BSN: variants seen among roughly 807,000 people sequenced by gnomAD.
BSN encodes bassoon presynaptic cytomatrix protein.
In BSN, 57 loss-of-function variants were observed where a neutral mutation model predicts 264.8. The observed-to-expected ratio is 0.22, with a 90% CI of 0.17 to 0.27. The LOEUF (loss-of-function observed/expected upper bound fraction) is 0.27. Ranked by LOEUF, BSN falls within the 10% of genes least tolerant of loss-of-function variation. The probability of loss-of-function intolerance (pLI) is 1.00; values close to 1 mark genes in which losing one functional copy is unlikely to be tolerated. For missense variants in BSN, 4,615 were observed against 5,232.5 expected (o/e 0.88, Z 3.64); for synonymous variants, 2,059 against 2,137.3 (o/e 0.96, Z 1.01).
intron 8 of BSN, among the ~76,000 whole-genome samples, chr3:49,664,103 T>C (rs899220240): frequency 6.6e-6 from 1 of 152,196 alleles, no homozygotes; most frequent in African/African-American, 2.4e-5. Context: ...CCAAGCAGCT[T>C]TGGGCAGAGA....
At chr3:49,662,756 G>A (rs2052672349) in intron 6 of BSN, 120 bp from the exon 7 acceptor site, 1 of 1,382,694 alleles carries the variant, frequency 7.2e-7, no homozygotes, top group Non-Finnish European at 9.6e-7. Flanking sequence ...TGGGCTGGGG[G>A]CCTGCTGATC....
Position 49,653,182 on chromosome 3 carries a change from G to A in BSN, c.3626G>A (p.Arg1209Gln), listed in dbSNP as rs1320310871. Residue 1209 changes from arginine to glutamine, a missense_variant, in exon 5 of 12, where the codon CGG becomes CAG. Arg to Gln is a conservative substitution (Grantham distance 43, BLOSUM62 1). Coordinates refer to ENST00000296452, the MANE Select transcript of BSN (RefSeq NM_003458.4). The surrounding 1 kb of genome is among the most constrained non-coding windows in gnomAD (Gnocchi z 6.3). ...CAGCAAGGCCAGGCAGCAGGGGCCCGGGGACCCCATGGCGGCCCCTCTCAG... is the reference window on the plus strand; with the variant it reads ...CAGCAAGGCCAGGCAGCAGGGGCCCAGGGACCCCATGGCGGCCCCTCTCAG... ...QRQQGQAAGA[R>Q]GPHGGPSQPT... 7.4e-6 allele frequency: 12 copies of A among 1,610,764 alleles called. No individual in the cohort carries two copies. The highest frequency in any genetic ancestry group is 6.7e-5 in the African/African-American group (5 of 74,828).
chr3:49,573,658 T>G (rs1307915848), intron 1 of BSN, among the ~76,000 whole-genome samples: 1 of 136,650 alleles, frequency 7.3e-6, no homozygotes, highest in Non-Finnish European at 1.6e-5. Flanking sequence ...TTCTCTCTGG[T>G]TTTTTTTTTT....
intron 1 of BSN, among the ~76,000 whole-genome samples, chr3:49,619,096 C>T (rs1487647141): frequency 2.3e-5 from 1 of 42,720 alleles, no homozygotes; most frequent in Non-Finnish European, 4.3e-5. Context: ...AATGTGAATT[C>T]CTGAATGAAT....
chr3:49,643,340 C>T lies in BSN; in HGVS notation c.1518+188C>T, dbSNP rs150519645. 1.7e-3 allele frequency among the ~76,000 whole-genome samples: 260 copies of T among 152,368 alleles called. 1 individual carries two copies. The highest frequency in any genetic ancestry group is 7.8e-3 in the Admixed American group (120 of 15,312). On this transcript the variant is annotated intron_variant, in intron 3 of 11. Coordinates refer to ENST00000296452, the MANE Select transcript of BSN (RefSeq NM_003458.4). ...CCTCAGGCCCCAGTTCTACTCAGAACTAACTTTCACTCAGAGTTGGGGGTA... is the reference window on the plus strand; with the variant it reads ...CCTCAGGCCCCAGTTCTACTCAGAATTAACTTTCACTCAGAGTTGGGGGTA...
At position 49,656,921 on chromosome 3, in the gene BSN, C is replaced by T; in HGVS notation, c.7365C>T (p.Ile2455=). The change falls in exon 5 of 12, where the codon ATC becomes ATT. Residue 2455 remains isoleucine, a synonymous_variant. Coordinates refer to ENST00000296452, the MANE Select transcript of BSN (RefSeq NM_003458.4). ...LAQQRLQLEQ[I]QQLQQQLQQQ... ...AGCAGCGTCTGCAGCTGGAGCAGAT[C>T]CAGCAGCTGCAGCAGCAGCTGCAGC... is the stretch of plus-strand genomic sequence containing the variant. The T allele has an allele frequency of 6.3e-7, 1 of 1,598,632 alleles. No homozygotes were observed. Among genetic ancestry groups the T allele is most frequent in the East Asian group, 2.3e-5 (1 of 44,352 alleles).
At chr3:49,646,623 A>G (rs937256849) in intron 3 of BSN, among the ~76,000 whole-genome samples, 4 of 152,232 alleles carry the variant, frequency 2.6e-5, no homozygotes, top group Admixed American at 6.5e-5. Context: ...AAGGCCTGAC[A>G]CAGTCAGCCC....
At chr3:49,610,218 T>C (rs919046200) in intron 1 of BSN, among the ~76,000 whole-genome samples, 2 of 152,230 alleles carry the variant, frequency 1.3e-5, no homozygotes, top group African/African-American at 4.8e-5. Flanking sequence ...TCCCATGCTT[T>C]TGTATGTGAT....
Position 49,662,962 on chromosome 3 carries a change from G to A in BSN, c.10804G>A (p.Ala3602Thr). 1.2e-6 allele frequency: 2 copies of A among 1,614,166 alleles called. No individual in the cohort carries two copies. Among genetic ancestry groups the A allele is most frequent in the Non-Finnish European group, 1.7e-6 (2 of 1,180,024 alleles). ...CCGGTTCAGGCACCACGGGGGCCAT[G>A]CAGTTTCCTCCTCCTCCCAGAAGCG... Reference protein sequence around the residue: ...SDRFRHHGGHAVSSSSQKRGP... With the variant: ...SDRFRHHGGHTVSSSSQKRGP... Residue 3602 changes from alanine to threonine, a missense_variant, in exon 7 of 12, where the codon GCA becomes ACA. Transcript: ENST00000296452.
chr3:49,557,153 G>A (rs2051679542), intron 1 of BSN, among the ~76,000 whole-genome samples: 2 of 152,158 alleles, frequency 1.3e-5, no homozygotes, highest in Admixed American at 1.3e-4. Context: ...GGATGATGTG[G>A]AGCTTTGGGC....
intron 1 of BSN, among the ~76,000 whole-genome samples, chr3:49,594,259 C>T (rs919318130): frequency 7.9e-5 from 12 of 152,146 alleles, no homozygotes; most frequent in Admixed American, 7.2e-4. Flanking sequence ...CTTTTAGTAT[C>T]AAGTCTAAGA....
At chr3:49,565,348 C>A (rs551317664) in intron 1 of BSN, among the ~76,000 whole-genome samples, 1 of 126,456 alleles carries the variant, frequency 7.9e-6, no homozygotes, top group Non-Finnish European at 1.6e-5. Context: ...GACAGAGTCT[C>A]GCTCTGTCGT....
rs780401178 is a variant in BSN at position 49,642,563 on chromosome 3, C to T, written c.929C>T (p.Thr310Ile). 17 of 1,604,302 alleles carry T rather than the reference C, an allele frequency of 1.1e-5. No homozygotes were observed. The highest frequency in any genetic ancestry group is 1.4e-5 in the Non-Finnish European group (17 of 1,174,160). ...GRVSPQPPQP[T>I]KPSTAEPRPP... ...GTGTCTCCTCAGCCCCCTCAACCCA[C>T]CAAGCCTTCCACAGCTGAGCCCAGG... Residue 310 changes from threonine (T) to isoleucine (I), a missense_variant, in exon 3 of 12, where the codon ACC becomes ATC. This residue lies in a region of BSN where 1,197 missense variants were observed against 1,348.0 expected (regional missense o/e 0.89). Coordinates refer to ENST00000296452, the MANE Select transcript of BSN (RefSeq NM_003458.4). This position sits in a 1 kb window ranked among gnomAD's most constrained non-coding sequence, Gnocchi z 7.0.
At chr3:49,594,664 A>G (rs915734954) in intron 1 of BSN, among the ~76,000 whole-genome samples, 1 of 152,164 alleles carries the variant, frequency 6.6e-6, no homozygotes, top group Non-Finnish European at 1.5e-5. Flanking sequence ...TCCAGGGTCC[A>G]TGCCTTTCTA....
Position 49,608,782 on chromosome 3 carries a change from C to T in BSN, c.225-16193C>T, listed in dbSNP as rs375245295. Among the ~76,000 whole-genome samples the T allele has an allele frequency of 6.6e-5, 10 of 150,840 alleles. 1 individual carries two copies. Among genetic ancestry groups the T allele is most frequent in the African/African-American group, 2.0e-4 (8 of 41,008 alleles). On this transcript the variant is annotated intron_variant, in intron 1 of 11. Transcript: ENST00000296452. ...GGCGGAGGTTGCAGTGAGCCGAGATCGTGCCACTGCACTCTAGCCTGGGTG... is the reference window on the plus strand; with the variant it reads ...GGCGGAGGTTGCAGTGAGCCGAGATTGTGCCACTGCACTCTAGCCTGGGTG...
Position 49,653,209 on chromosome 3 carries a change from C to G in BSN, c.3653C>G (p.Pro1218Arg). The change falls in exon 5 of 12, where the codon CCC (proline) becomes CGC (arginine). Residue 1218 changes from proline (P) to arginine (R), a missense_variant. Pro to Arg is a moderately radical substitution (Grantham distance 103). Transcript: ENST00000296452. This position sits in a 1 kb window ranked among gnomAD's most constrained non-coding sequence, Gnocchi z 6.3. ...ARGPHGGPSQ[P>R]TGPRGLGSFE... is the part of the protein sequence containing the mutation. ...GGACCCCATGGCGGCCCCTCTCAGC[C>G]CACAGGCCCCCGGGGCCTGGGCTCC... The G allele has an allele frequency of 6.2e-7, 1 of 1,611,166 alleles. No homozygotes were observed. Among genetic ancestry groups the G allele is most frequent in the Non-Finnish European group, 8.5e-7 (1 of 1,179,460 alleles).
chr3:49,592,611 C>G (rs531953032), intron 1 of BSN, among the ~76,000 whole-genome samples: 14 of 150,866 alleles, frequency 9.3e-5, no homozygotes, highest in Admixed American at 9.2e-4. Context: ...ATTAGCCGGG[C>G]GTGGTGGCGG....
rs199954701 is a variant in BSN, at chr3:49,663,764, T to G, written c.11509-23T>G. ...TCCAGGCTGGGCATGGGCAGAATCT[T>G]AGCTATAGGTTCTGTGTTGCAGCCA... On this transcript the variant is annotated intron_variant, in intron 7 of 11. Coordinates refer to ENST00000296452, the MANE Select transcript of BSN (RefSeq NM_003458.4). 4.0e-5 allele frequency: 65 copies of G among 1,613,774 alleles called. No individual in the cohort carries two copies. In the East Asian group the frequency reaches 1.4e-3, roughly 36 times the overall value.
At chr3:49,639,512 A>G (rs2052445190) in intron 2 of BSN, among the ~76,000 whole-genome samples, 1 of 152,178 alleles carries the variant, frequency 6.6e-6, no homozygotes, top group East Asian at 1.9e-4. Context: ...TTGCTTCTTA[A>G]AAAGCATTTG....
Sources: allele counts gnomAD v4.1 joint callset (sites outside exome capture counted in the v4.1 genomes callset), GRCh38; gene constraint gnomAD v4.1.1; regional missense constraint gnomAD v4.1.1; non-coding constraint Gnocchi (gnomAD v3.1); transcripts MANE v1.5; gene names NCBI Gene and HGNC (gene_info 2026-07-23, HGNC 2026-07-21).